The following DIP2B variants were observed in gnomAD, a reference collection of about 807,000 sequenced individuals.
The protein encoded by DIP2B is DIP2 acetate--CoA ligase B (putative).
Under a neutral mutation model 198.0 loss-of-function variants are expected in DIP2B, and 76 were observed. The ratio of observed to expected loss-of-function variants is 0.38; its 90% CI spans 0.32 to 0.46. The LOEUF is 0.46. DIP2B is among the 20% of genes least tolerant of loss of function. The pLI is 0.99. For synonymous variants in DIP2B, 701 were observed against 739.1 expected, an observed-to-expected ratio of 0.95 and a Z score of 0.84; for missense variants, 1,559 against 1,978.4, an observed-to-expected ratio of 0.79 and a Z score of 4.02.
intron 1 of DIP2B, among the ~76,000 whole-genome samples, chr12:50,532,376 G>T (rs1254194172): frequency 6.6e-6 from 1 of 152,144 alleles, no homozygotes; most frequent in African/African-American, 2.4e-5. Flanking sequence ...TTAGCCAGGT[G>T]TGGTGGCATG....
rs533984733 is a variant in DIP2B, at chr12:50,745,219, C to A, written c.*380C>A. The A allele has an allele frequency of 4.2e-6, 1 of 239,600 alleles. No individual in the cohort carries two copies. The highest frequency in any genetic ancestry group is 1.1e-4 in the East Asian group (1 of 9,342). 14.8% of individuals were successfully genotyped at this position (239,600 alleles called of 1,614,324 possible). ...AGTCTGAGTGACACAGTTCCCCACT[C>A]CGTACTGTATTTTGCCATTCTGCCG... On this transcript the variant is annotated 3_prime_UTR_variant, in exon 38 of 38. Transcript: ENST00000301180.
intron 1 of DIP2B, among the ~76,000 whole-genome samples, chr12:50,580,653 T>C (rs1958717278): frequency 6.8e-6 from 1 of 147,404 alleles, no homozygotes; most frequent in African/African-American, 2.5e-5. Flanking sequence ...TTCAGTTCAG[T>C]TGTTCTGAAC....
chr12:50,527,986 A>T (rs956886317), intron 1 of DIP2B, among the ~76,000 whole-genome samples: 4 of 149,104 alleles, frequency 2.7e-5, no homozygotes, highest in Admixed American at 2.0e-4. Context: ...GGAGTACAGT[A>T]GTGTAATCAC....
intron 34 of DIP2B, among the ~76,000 whole-genome samples, chr12:50,735,765 G>A (rs750619552): frequency 6.6e-6 from 1 of 152,100 alleles, no homozygotes; most frequent in Non-Finnish European, 1.5e-5. Flanking sequence ...TGCCCGGCCC[G>A]GTTCTATCTT....
At chr12:50,716,421 G>A (rs902990941) in intron 23 of DIP2B, among the ~76,000 whole-genome samples, 1 of 151,978 alleles carries the variant, frequency 6.6e-6, no homozygotes, top group Non-Finnish European at 1.5e-5. Context: ...AGAATGGCGT[G>A]AACCCGGGAG....
At chr12:50,515,255 T>A (rs931372779) in intron 1 of DIP2B, among the ~76,000 whole-genome samples, 3 of 148,788 alleles carry the variant, frequency 2.0e-5, no homozygotes, top group Middle Eastern at 3.4e-3. Context: ...TTTTTTTTTT[T>A]ATGGAATCTC....
intron 1 of DIP2B, among the ~76,000 whole-genome samples, chr12:50,607,607 A>G (rs1374409460): frequency 1.3e-5 from 2 of 152,206 alleles, no homozygotes; most frequent in East Asian, 1.9e-4. Context: ...GGCTAAGGTC[A>G]GGGTTTTTGT....
At chr12:50,602,972 G>C (rs1202301055) in intron 1 of DIP2B, among the ~76,000 whole-genome samples, 1 of 151,512 alleles carries the variant, frequency 6.6e-6, no homozygotes, top group Non-Finnish European at 1.5e-5. Flanking sequence ...AGACCATCCT[G>C]GCATACACGG....
chr12:50,742,591 CTTT>C (rs1456766696), intron 37 of DIP2B, among the ~76,000 whole-genome samples: 5 of 151,976 alleles, frequency 3.3e-5, no homozygotes, highest in Non-Finnish European at 7.4e-5. Flanking sequence ...CCAGATACTT[CTTT>C]GTCTAAAAAT....
intron 2 of DIP2B, among the ~76,000 whole-genome samples, chr12:50,632,727 A>T (rs1384346036): frequency 6.6e-6 from 1 of 151,134 alleles, no homozygotes; most frequent in African/African-American, 2.4e-5. Context: ...AGTAGAGACA[A>T]GGTTTCACCA....
chr12:50,573,419 A>G (rs990357602), intron 1 of DIP2B, among the ~76,000 whole-genome samples: 2 of 152,126 alleles, frequency 1.3e-5, no homozygotes, highest in African/African-American at 4.8e-5. Flanking sequence ...TTCCTGGCCT[A>G]CCCTGGTCTG....
chr12:50,602,299 G>C (rs1042108690), intron 1 of DIP2B, among the ~76,000 whole-genome samples: 12 of 151,970 alleles, frequency 7.9e-5, no homozygotes, highest in African/African-American at 2.9e-4. Flanking sequence ...GACAGTGTCT[G>C]GTTCTGTTGC....
At chr12:50,507,869 A>G (rs1042752176) in intron 1 of DIP2B, among the ~76,000 whole-genome samples, 8 of 151,654 alleles carry the variant, frequency 5.3e-5, no homozygotes, top group African/African-American at 1.9e-4. Flanking sequence ...CCTTGCTGAC[A>G]TTGGTGCACT....
At chr12:50,604,055 C>T (rs1262790349) in intron 1 of DIP2B, among the ~76,000 whole-genome samples, 2 of 152,006 alleles carry the variant, frequency 1.3e-5, no homozygotes, top group Non-Finnish European at 2.9e-5. Flanking sequence ...ATCATGCAAG[C>T]TTCTGATGGA....
chr12:50,718,791 A>G lies in DIP2B; in HGVS notation c.2934A>G (p.Gln978=), dbSNP rs1410818232. 1.4e-5 allele frequency: 23 copies of G among 1,614,102 alleles called. No individual in the cohort carries two copies. The highest frequency in any genetic ancestry group is 1.8e-5 in the Non-Finnish European group (21 of 1,180,044). ...AAGCTGCTGGAAGGGATCTGGGACAAATAGAAGAGAATGATTTGGTGAGGA... is the reference window on the plus strand; with the variant it reads ...AAGCTGCTGGAAGGGATCTGGGACAGATAGAAGAGAATGATTTGGTGAGGA... ...IAQAAGRDLG[Q]IEENDLVRKH... is the part of the protein sequence containing the mutation. Residue 978 remains glutamine (Q), a synonymous_variant, in exon 24 of 38, where the codon CAA becomes CAG. Transcript: ENST00000301180.
At chr12:50,592,091 C>G (rs913490512) in intron 1 of DIP2B, among the ~76,000 whole-genome samples, 1 of 152,006 alleles carries the variant, frequency 6.6e-6, no homozygotes, top group African/African-American at 2.4e-5. Flanking sequence ...GTTGACCAGG[C>G]TGGTCTCGAA....
rs757985370 is a variant in DIP2B at position 50,640,780 on chromosome 12, G to C, written c.229G>C (p.Ala77Pro). The change falls in exon 3 of 38, where the codon GCT becomes CCT. Residue 77 changes from alanine (A) to proline (P), a missense_variant. Ala to Pro is a conservative substitution (Grantham distance 27). Transcript: ENST00000301180. The part of the protein sequence containing the change: ...LRNQTPAPSA[A>P]QTSAPSKYHR... ...AAACCAGACACCTGCTCCATCTGCA[G>C]CTCAAACTTCTGCTCCCTCTAAGTA... 3 of 1,613,994 alleles carry C rather than the reference G, an allele frequency of 1.9e-6. No homozygotes were observed. Among genetic ancestry groups the C allele is most frequent in the East Asian group, 4.5e-5 (2 of 44,882 alleles).
intron 10 of DIP2B, among the ~76,000 whole-genome samples, chr12:50,683,739 C>T (rs764116514): frequency 6.6e-5 from 10 of 151,954 alleles, no homozygotes; most frequent in East Asian, 3.9e-4. Context: ...GTTGAGATCG[C>T]GCTATTGCAC....
chr12:50,527,583 A>G (rs1958178139), intron 1 of DIP2B, among the ~76,000 whole-genome samples: 1 of 152,094 alleles, frequency 6.6e-6, no homozygotes. Context: ...CAAGATAGTG[A>G]GACTCTGTCC....
Sources: gnomAD v4.1 joint callset for allele counts (sites outside exome capture counted in the v4.1 genomes callset) on GRCh38, gnomAD v4.1.1 for gene constraint, MANE v1.5 for transcripts, NCBI Gene and HGNC (gene_info 2026-07-23, HGNC 2026-07-21) for gene names.